MOK: variants seen among roughly 807,000 people sequenced by gnomAD.
MOK encodes MAPK/MAK/MRK overlapping kinase.
MOK carries 59 observed loss-of-function variants against 54.2 expected under a neutral mutation model. The ratio of observed to expected loss-of-function variants is 1.09; its 90% CI spans 0.88 to 1.35. MOK has a LOEUF of 1.35. Ranked by LOEUF, MOK falls within the 40% of genes most tolerant of loss-of-function variation. The probability of loss-of-function intolerance (pLI) is 0.00; values close to 1 mark genes in which losing one functional copy is unlikely to be tolerated. For missense variants in MOK, 517 were observed against 526.2 expected (o/e 0.98, Z 0.17); for synonymous variants, 210 against 202.7 (o/e 1.04, Z -0.31).
rs537682084 is a variant in MOK, at chr14:102,262,536, A to G, written c.283+1010T>C. Among the ~76,000 whole-genome samples the G allele has an allele frequency of 4.7e-4, 71 of 152,384 alleles. No individual in the cohort carries two copies. The South Asian group carries it at 7.9e-3, about 17-fold the overall frequency. ...TTTTGTTAGTAATTTACTATCACAC[A>G]CATATTTTAAGTCACATATAAAATA... On this transcript the variant is annotated intron_variant, in intron 4 of 11. Transcript: ENST00000361847.
chr14:102,302,047 C>T (rs1013259793), intron 1 of MOK, among the ~76,000 whole-genome samples: 8 of 151,356 alleles, frequency 5.3e-5, no homozygotes, highest in East Asian at 3.9e-4. Flanking sequence ...CCACTGCACC[C>T]GCCCCATAAA....
At chr14:102,254,542 A>G (rs1473610868) in intron 4 of MOK, among the ~76,000 whole-genome samples, 1 of 152,128 alleles carries the variant, frequency 6.6e-6, no homozygotes, top group Non-Finnish European at 1.5e-5. Flanking sequence ...TCCTGTGATC[A>G]AACCCAGTCT....
intron 2 of MOK, among the ~76,000 whole-genome samples, chr14:102,268,262 T>C (rs1434355739): frequency 2.0e-5 from 3 of 152,158 alleles, no homozygotes; most frequent in African/African-American, 7.2e-5. Context: ...GACAAATATT[T>C]AGAAAGGCAC....
downstream of MOK, chr14:102,226,264 G>C (rs1177441760): frequency 1.5e-6 from 1 of 688,442 alleles, no homozygotes; most frequent in East Asian, 2.7e-5. The surrounding 1 kb of genome is among the most constrained non-coding windows in gnomAD (Gnocchi z 4.8). Flanking sequence ...AGGAGGGTGA[G>C]GTGGGTGGAT....
chr14:102,229,512 G>A lies in MOK; in HGVS notation c.1127C>T (p.Thr376Ile), dbSNP rs2064461890. 1.2e-6 allele frequency: 2 copies of A among 1,614,074 alleles called. No homozygotes were observed. The highest frequency in any genetic ancestry group is 1.3e-5 in the African/African-American group (1 of 74,932). Reference protein sequence around the residue: ...PTLQSVLGSGTNGRVPVLRPL... With the variant: ...PTLQSVLGSGINGRVPVLRPL... Reference sequence around the variant, plus strand: ...TCTCAGCACCGGCACTCTTCCATTTGTTCCAGATCCAAGCACGGACTGCAG... The same window carrying A: ...TCTCAGCACCGGCACTCTTCCATTTATTCCAGATCCAAGCACGGACTGCAG... Residue 376 changes from threonine (T) to isoleucine (I), a missense_variant, in exon 11 of 12, where the codon ACA (threonine) becomes ATA (isoleucine). By Grantham distance (89) the Thr-to-Ile change is moderately conservative. Coordinates refer to ENST00000361847, the MANE Select transcript of MOK (RefSeq NM_014226.3).
At position 102,232,239 on chromosome 14, in the gene MOK, G is replaced by A. The variant is rs114494703; in HGVS notation, c.866+296C>T. On this transcript the variant is annotated intron_variant, in intron 9 of 11. Transcript: ENST00000361847. The surrounding 1 kb of genome is among the most constrained non-coding windows in gnomAD (Gnocchi z 5.1). ...CCTGTTCACACCATTTACAAGGGCC[G>A]CACACCAGGCTCTTCTAGAAGGATT... 907 of 377,580 alleles carry A rather than the reference G, an allele frequency of 2.4e-3. 8 individuals carry two copies. The highest frequency in any genetic ancestry group is 0.016 in the African/African-American group (790 of 48,852). 23.4% of individuals were successfully genotyped at this position (377,580 alleles called of 1,614,324 possible). A position where few individuals can be genotyped will look rare whatever the true frequency, so the allele number is the denominator to read the frequency against.
At position 102,232,345 on chromosome 14, in the gene MOK, T is replaced by G; in HGVS notation, c.866+190A>C. 7 of 546,060 alleles carry G rather than the reference T, an allele frequency of 1.3e-5. No individual in the cohort carries two copies. Among genetic ancestry groups the G allele is most frequent in the East Asian group, 3.1e-5 (1 of 31,918 alleles). 33.8% of individuals were successfully genotyped at this position (546,060 alleles called of 1,614,324 possible). A position where few individuals can be genotyped will look rare whatever the true frequency, so the allele number is the denominator to read the frequency against. ...TGCCGTGGAGCTGCTAACATCCTCATTTTGGGGAGGATACACCAGAAGGCA... is the reference window on the plus strand; with the variant it reads ...TGCCGTGGAGCTGCTAACATCCTCAGTTTGGGGAGGATACACCAGAAGGCA... On this transcript the variant is annotated intron_variant, in intron 9 of 11. Transcript: ENST00000361847. This position sits in a 1 kb window ranked among gnomAD's most constrained non-coding sequence, Gnocchi z 5.1.
chr14:102,290,688 C>G (rs897464112), intron 1 of MOK, among the ~76,000 whole-genome samples: 5 of 152,136 alleles, frequency 3.3e-5, no homozygotes, highest in Non-Finnish European at 7.4e-5. Flanking sequence ...TGCTGAATCT[C>G]CAGACTAGCA....
Position 102,250,901 on chromosome 14 carries a change from G to A in MOK, c.501C>T (p.Tyr167=). 6.2e-7 allele frequency: 1 copy of A among 1,614,122 alleles called. No individual in the cohort carries two copies. Among genetic ancestry groups the A allele is most frequent in the Non-Finnish European group, 8.5e-7 (1 of 1,180,034 alleles). The change falls in exon 7 of 12, where the codon TAC becomes TAT. Residue 167 remains tyrosine (Y), a synonymous_variant. Transcript: ENST00000361847. ...PYTEYISTRW[Y]RAPECLLTDG... The stretch of plus-strand genomic sequence containing the variant: ...CAGTGAGGAGACACTCCGGGGCCCG[G>A]TACCAGCGGGTGGAGATGTATTCCG...
intron 1 of MOK, among the ~76,000 whole-genome samples, chr14:102,297,660 G>C (rs970126204): frequency 6.6e-6 from 1 of 152,188 alleles, no homozygotes; most frequent in Admixed American, 6.5e-5. Flanking sequence ...GAGGTGTGGA[G>C]GAAGAGGCAC....
At chr14:102,239,680 C>T (rs969747134) in intron 7 of MOK, among the ~76,000 whole-genome samples, 2 of 152,162 alleles carry the variant, frequency 1.3e-5, no homozygotes, top group Admixed American at 1.3e-4. Context: ...ACCATCCTGG[C>T]CAACATGGTG....
chr14:102,257,274 C>T (rs989017397), intron 4 of MOK, among the ~76,000 whole-genome samples: 3 of 152,034 alleles, frequency 2.0e-5, no homozygotes, highest in Non-Finnish European at 4.4e-5. Flanking sequence ...GCATGGATCA[C>T]GGCTGCCTCC....
At chr14:102,275,086 C>A (rs1335578395) in intron 2 of MOK, among the ~76,000 whole-genome samples, 1 of 151,938 alleles carries the variant, frequency 6.6e-6, no homozygotes, top group Non-Finnish European at 1.5e-5. Flanking sequence ...TCAAAGAGAG[C>A]AATGAAACAG....
At chr14:102,299,188 A>C (rs1278955723) in intron 1 of MOK, among the ~76,000 whole-genome samples, 2 of 152,240 alleles carry the variant, frequency 1.3e-5, no homozygotes, top group African/African-American at 4.8e-5. Flanking sequence ...AGACAGTTTA[A>C]ACCTCATTGT....
intron 1 of MOK, among the ~76,000 whole-genome samples, chr14:102,297,777 G>A (rs1035332700): frequency 5.3e-5 from 8 of 152,314 alleles, no homozygotes; most frequent in Non-Finnish European, 2.9e-5. Context: ...CCCGCACTAG[G>A]TGCGGCCAGC....
At chr14:102,251,037 TATCATAA>T in intron 6 of MOK, 47 bp from the exon 7 acceptor site, 1 of 1,581,632 alleles carries the variant, frequency 6.3e-7, no homozygotes, top group Non-Finnish European at 8.7e-7. Flanking sequence ...ATTATGTGGC[TATCATAA>T]TACAAACCAC....
chr14:102,218,683 G>C, the MOK span, among the ~76,000 whole-genome samples: 1 of 151,890 alleles, frequency 6.6e-6, no homozygotes, highest in Non-Finnish European at 1.5e-5. Flanking sequence ...TCTCTAGCGG[G>C]AATAAAACAG....
intron 1 of MOK, among the ~76,000 whole-genome samples, chr14:102,298,176 C>T (rs561546237): frequency 3.3e-4 from 51 of 152,342 alleles, no homozygotes; most frequent in African/African-American, 1.2e-3. Flanking sequence ...ACTTAGAGAA[C>T]CTTTATGTCT....
chr14:102,214,637 G>A, the MOK span: 2 of 984,898 alleles, frequency 2.0e-6, no homozygotes, highest in Non-Finnish European at 2.4e-6. Context: ...TGTTATGTTA[G>A]GCGACACTGT....
Sources: gnomAD v4.1 joint callset for allele counts (sites outside exome capture counted in the v4.1 genomes callset) on GRCh38, gnomAD v4.1.1 for gene constraint, Gnocchi (gnomAD v3.1) non-coding constraint, MANE v1.5 for transcripts, NCBI Gene and HGNC (gene_info 2026-07-23, HGNC 2026-07-21) for gene names.